The following LNPEP variants were observed in gnomAD, a reference collection of about 807,000 sequenced individuals.
LNPEP encodes leucyl and cystinyl aminopeptidase, also known as leucyl-cystinyl aminopeptidase.
LNPEP carries 64 observed loss-of-function variants against 120.6 expected under a neutral mutation model. The observed-to-expected ratio is 0.53, with a 90% CI of 0.43 to 0.65. LNPEP has a LOEUF of 0.65. Among genes scored for constraint, LNPEP ranks in the 30% least tolerant of loss-of-function variants. The pLI is 0.00. For missense variants in LNPEP, 1,057 were observed against 1,200.0 expected (o/e 0.88, Z 1.76); for synonymous variants, 435 against 425.4 (o/e 1.02, Z -0.28).
intron 1 of LNPEP, among the ~76,000 whole-genome samples, chr5:96,971,505 C>T (rs1441517366): frequency 2.6e-5 from 4 of 151,892 alleles, no homozygotes; most frequent in African/African-American, 9.7e-5. Context: ...TTCTCACACT[C>T]CTTCTGTGGC....
Position 97,022,420 on chromosome 5 carries a change from G to T in LNPEP, c.2497G>T (p.Gly833Trp). 1 of 1,614,026 alleles carries T rather than the reference G, an allele frequency of 6.2e-7. No homozygotes were observed. Among genetic ancestry groups the T allele is most frequent in the Non-Finnish European group, 8.5e-7 (1 of 1,179,956 alleles). ...AGAGTTTGCTTGCACCCACAACCTG[G>T]GGAACTGCTCTACTACTGCCATGAA... ...LLEFACTHNL[G>W]NCSTTAMKLF... Residue 833 changes from glycine to tryptophan, a missense_variant, in exon 14 of 18, where the codon GGG (glycine) becomes TGG (tryptophan). Physicochemically the swap from Gly to Trp is radical, Grantham distance 184. Transcript: ENST00000231368.
chr5:96,979,552 A>C lies in LNPEP; in HGVS notation c.434A>C (p.Asn145Thr), dbSNP rs747969232. Residue 145 changes from asparagine to threonine, a missense_variant, in exon 2 of 18, where the codon AAC becomes ACC. Asn to Thr is a moderately conservative substitution (Grantham distance 65). Coordinates refer to ENST00000231368, the MANE Select transcript of LNPEP (RefSeq NM_005575.3). Reference protein sequence around the residue: ...TFTKEGCHKKNQSIGLIQPFA... With the variant: ...TFTKEGCHKKTQSIGLIQPFA... ...ACCAAAGAAGGCTGCCATAAAAAAAACCAGTCAATTGGACTAATTCAGCCA... is the reference window on the plus strand; with the variant it reads ...ACCAAAGAAGGCTGCCATAAAAAAACCCAGTCAATTGGACTAATTCAGCCA... 5.1e-5 allele frequency: 82 copies of C among 1,613,990 alleles called. No individual in the cohort carries two copies. Among genetic ancestry groups the C allele is most frequent in the Non-Finnish European group, 6.9e-5 (81 of 1,179,998 alleles).
chr5:96,936,184 C>A lies in LNPEP; in HGVS notation c.19+10C>A. On this transcript the variant is annotated intron_variant, in intron 1 of 17. Coordinates refer to ENST00000231368, the MANE Select transcript of LNPEP (RefSeq NM_005575.3). The stretch of plus-strand genomic sequence containing the variant: ...GAGCCCTTCACCAATGGTGAGTGGG[C>A]TGCCGAGGCGCCGGGACCCGGGCTC... 1 of 1,447,372 alleles carries A rather than the reference C, an allele frequency of 6.9e-7. No homozygotes were observed. The highest frequency in any genetic ancestry group is 9.1e-7 in the Non-Finnish European group (1 of 1,102,252). The allele number at this position is 1,447,372 out of a possible 1,614,324, so 89.7% of individuals were successfully genotyped here. A position where few individuals can be genotyped will look rare whatever the true frequency, so the allele number is the denominator to read the frequency against.
chr5:97,009,918 T>A (rs1790884094), intron 11 of LNPEP, among the ~76,000 whole-genome samples: 1 of 152,214 alleles, frequency 6.6e-6, no homozygotes, highest in Non-Finnish European at 1.5e-5. Flanking sequence ...TAGTGTATTA[T>A]TTTGATGCTT....
At chr5:96,945,544 C>T (rs1054681974) in intron 1 of LNPEP, among the ~76,000 whole-genome samples, 2 of 152,036 alleles carry the variant, frequency 1.3e-5, no homozygotes, top group African/African-American at 2.4e-5. Context: ...CTTTCACAGC[C>T]TGCTATCTGT....
intron 12 of LNPEP, 67 bp downstream of exon 12, chr5:97,013,898 A>G (rs938744062): frequency 5.0e-6 from 6 of 1,188,860 alleles, no homozygotes; most frequent in Non-Finnish European, 7.1e-6. Context: ...AAGAACATAT[A>G]TGAAAAACAG....
Position 97,034,602 on chromosome 5 carries a change from G to A in LNPEP, c.*6069G>A, listed in dbSNP as rs1353248189. ...TGGTAAATATTCTTTGCCTTCCTCA[G>A]AGCCTGTATACACAAGCAAGTAGTA... On this transcript the variant is annotated 3_prime_UTR_variant, in exon 18 of 18. Coordinates refer to ENST00000231368, the MANE Select transcript of LNPEP (RefSeq NM_005575.3). 3 of 152,024 alleles carry A rather than the reference G, an allele frequency of 2.0e-5. No individual in the cohort carries two copies. In the South Asian group the frequency reaches 6.2e-4, roughly 31 times the overall value. The allele number at this position is 152,024 out of a possible 1,614,324, so 9.4% of individuals were successfully genotyped here.
At position 97,015,056 on chromosome 5, in the gene LNPEP, T is replaced by C. The variant is rs1791031890; in HGVS notation, c.2337T>C (p.Leu779=). 6.3e-7 allele frequency: 1 copy of C among 1,594,672 alleles called. No individual in the cohort carries two copies. Among genetic ancestry groups the C allele is most frequent in the Non-Finnish European group, 8.5e-7 (1 of 1,171,336 alleles). The part of the protein sequence containing the change: ...LFQTDLIYNL[L]EKLGYMDLAS... The stretch of plus-strand genomic sequence containing the variant: ...AGACAGACCTCATCTATAACCTCCT[T>C]GAAAAACTGGGATACATGGATCTGG... The change falls in exon 13 of 18, where the codon CTT becomes CTC. Residue 779 remains leucine, a synonymous_variant. Transcript: ENST00000231368.
chr5:97,002,251 T>A (rs1196335423), intron 8 of LNPEP, among the ~76,000 whole-genome samples: 3 of 152,166 alleles, frequency 2.0e-5, no homozygotes, highest in African/African-American at 7.2e-5. Flanking sequence ...ACAACTCTTT[T>A]GAGGAGTTTT....
chr5:97,023,724 C>G (rs1361000260), intron 14 of LNPEP, among the ~76,000 whole-genome samples: 2 of 152,062 alleles, frequency 1.3e-5, no homozygotes, highest in Non-Finnish European at 2.9e-5. Context: ...ACCCTGCTTT[C>G]AATTCTTTTG....
rs763083588 is a variant in LNPEP at position 96,998,073 on chromosome 5, T to C, written c.1581T>C (p.Ser527=). 6.6e-5 allele frequency: 104 copies of C among 1,576,598 alleles called. No individual in the cohort carries two copies. The highest frequency in any genetic ancestry group is 8.7e-5 in the Non-Finnish European group (100 of 1,150,498). ...KTMKKDSLNS[S]HPISSSVQSS... ...TGAAGAAAGATTCCTTAAATTCATC[T>C]CATCCAATATCATCATCTGTTCAGT... Residue 527 remains serine, a synonymous_variant, in exon 8 of 18, where the codon TCT becomes TCC. Transcript: ENST00000231368.
At chr5:97,004,782 A>G (rs1467014355) in intron 9 of LNPEP, among the ~76,000 whole-genome samples, 1 of 152,204 alleles carries the variant, frequency 6.6e-6, no homozygotes, top group African/African-American at 2.4e-5. Flanking sequence ...TTGAGAACTT[A>G]TTACCTAACA....
intron 1 of LNPEP, among the ~76,000 whole-genome samples, chr5:96,945,389 G>C (rs1221731741): frequency 6.9e-6 from 1 of 143,900 alleles, no homozygotes; most frequent in African/African-American, 2.6e-5. Flanking sequence ...CTGGGCAAGA[G>C]AGTGAGACCC....
At position 96,979,473 on chromosome 5, in the gene LNPEP, G is replaced by C; in HGVS notation, c.355G>C (p.Val119Leu). 6.2e-7 allele frequency: 1 copy of C among 1,614,078 alleles called. No homozygotes were observed. The highest frequency in any genetic ancestry group is 8.5e-7 in the Non-Finnish European group (1 of 1,179,962). Residue 119 changes from valine (V) to leucine (L), a missense_variant, in exon 2 of 18, where the codon GTG becomes CTG. By Grantham distance (32) the Val-to-Leu change is conservative. Transcript: ENST00000231368. ...RTMVVCAFVIVVAVSVIMVIY... is the reference protein window; with the variant it reads ...RTMVVCAFVILVAVSVIMVIY... Reference sequence around the variant, plus strand: ...CATGGTGGTCTGTGCTTTTGTCATCGTGGTTGCTGTTTCTGTAATCATGGT... The same window carrying C: ...CATGGTGGTCTGTGCTTTTGTCATCCTGGTTGCTGTTTCTGTAATCATGGT...
intron 13 of LNPEP, among the ~76,000 whole-genome samples, chr5:97,018,148 A>G (rs774097305): frequency 6.6e-6 from 1 of 152,184 alleles, no homozygotes; most frequent in Non-Finnish European, 1.5e-5. Context: ...TCAACCTAGT[A>G]CAGGTAGCAA....
intron 1 of LNPEP, among the ~76,000 whole-genome samples, chr5:96,974,271 C>T (rs1789938675): frequency 6.6e-6 from 1 of 152,082 alleles, no homozygotes; most frequent in African/African-American, 2.4e-5. Context: ...TAGCTCTGGG[C>T]AGATGTCTTT....
chr5:97,022,611 T>C, intron 14 of LNPEP, 127 bp downstream of exon 14: 1 of 742,790 alleles, frequency 1.3e-6, no homozygotes, highest in South Asian at 1.9e-5. Flanking sequence ...AGGTGAACTC[T>C]ATGTATCTGC....
chr5:96,946,858 C>T (rs1789196529), intron 1 of LNPEP, among the ~76,000 whole-genome samples: 1 of 152,156 alleles, frequency 6.6e-6, no homozygotes, highest in Non-Finnish European at 1.5e-5. Context: ...AATGTATTCA[C>T]CAACTGAGAT....
chr5:97,020,496 G>A (rs1462001777), intron 13 of LNPEP, among the ~76,000 whole-genome samples: 2 of 152,186 alleles, frequency 1.3e-5, no homozygotes, highest in Non-Finnish European at 2.9e-5. Flanking sequence ...TAGCCATGAA[G>A]GTTTTCTAAA....
Sources: gnomAD v4.1 joint callset for allele counts (sites outside exome capture counted in the v4.1 genomes callset) on GRCh38, gnomAD v4.1.1 for gene constraint, MANE v1.5 for transcripts, NCBI Gene and HGNC (gene_info 2026-07-23, HGNC 2026-07-21) for gene names.